Variants in AHI1 observed in about 807,000 individuals in gnomAD.
AHI1 encodes the protein jouberin.
In AHI1, 123 loss-of-function variants were observed where a neutral mutation model predicts 149.3. The ratio of observed to expected loss-of-function variants is 0.82; its 90% CI spans 0.71 to 0.96. The LOEUF (loss-of-function observed/expected upper bound fraction) is 0.96. Ranked by LOEUF, AHI1 falls within the 40% of genes least tolerant of loss-of-function variation. The probability of loss-of-function intolerance (pLI) is 0.00; values close to 1 mark genes in which losing one functional copy is unlikely to be tolerated. For synonymous variants in AHI1, 475 were observed against 459.8 expected (o/e 1.03, Z -0.42); for missense variants, 1,439 against 1,422.7 (o/e 1.01, Z -0.18).
chr6:135,416,092 C>T (rs888381810), intron 20 of AHI1, among the ~76,000 whole-genome samples: 3 of 152,028 alleles, frequency 2.0e-5, no homozygotes, highest in Non-Finnish European at 4.4e-5. Context: ...AATGCCCAAA[C>T]TTATCAGATA....
In AHI1 at chr6:135,411,493, A is replaced by G; in HGVS notation, c.2816T>C (p.Leu939Ser). The change falls in exon 21 of 29, where the codon TTA becomes TCA. Residue 939 changes from leucine (L) to serine (S), a missense_variant. Leu to Ser is a moderately radical substitution (Grantham distance 145). Transcript: ENST00000265602. ...MFKRYNGTFP[L>S]PGIHQSQDAL... ...ATCTTGACTTTGGTGTATTCCAGGT[A>G]ATGGAAATGTTCCATTGTAGCGTTT... The G allele has an allele frequency of 6.2e-7, 1 of 1,610,620 alleles. No homozygotes were observed.
At position 135,285,487 on chromosome 6, in the gene AHI1, G is replaced by A. The variant is rs1292439598; in HGVS notation, c.*158C>T. 3 of 783,522 alleles carry A rather than the reference G, an allele frequency of 3.8e-6. No homozygotes were observed. The highest frequency in any genetic ancestry group is 6.3e-6 in the Non-Finnish European group (3 of 475,548). 48.5% of individuals were successfully genotyped at this position (783,522 alleles called of 1,614,324 possible). On this transcript the variant is annotated 3_prime_UTR_variant, in exon 29 of 29. Coordinates refer to ENST00000265602, the MANE Select transcript of AHI1 (RefSeq NM_001134831.2). Reference sequence around the variant, plus strand: ...ACGTTGATTTTTCCACCCACAACTTGATTCTGATTTTTCTAGAGTCATTCA... The same window carrying A: ...ACGTTGATTTTTCCACCCACAACTTAATTCTGATTTTTCTAGAGTCATTCA...
chr6:135,434,283 T>G (rs1197093709), intron 15 of AHI1, among the ~76,000 whole-genome samples: 1 of 151,988 alleles, frequency 6.6e-6, no homozygotes. Context: ...CTTCAATTAC[T>G]AAGAATCCAA....
In AHI1 at chr6:135,284,552, T is replaced by G. The variant is rs1319863984; in HGVS notation, c.*1093A>C. 6.6e-6 allele frequency: 1 copy of G among 151,940 alleles called. No homozygotes were observed. Among genetic ancestry groups the G allele is most frequent in the East Asian group, 1.9e-4 (1 of 5,200 alleles). 9.4% of individuals were successfully genotyped at this position (151,940 alleles called of 1,614,324 possible). A position where few individuals can be genotyped will look rare whatever the true frequency, so the allele number is the denominator to read the frequency against. On this transcript the variant is annotated 3_prime_UTR_variant, in exon 29 of 29. Coordinates refer to ENST00000265602, the MANE Select transcript of AHI1 (RefSeq NM_001134831.2). The stretch of plus-strand genomic sequence containing the variant: ...ATATCAAACTTCAAAACATATAGTC[T>G]ATAATAATGACACTATTATTCTGGA...
At chr6:135,423,409 C>T (rs1783495083) in intron 20 of AHI1, among the ~76,000 whole-genome samples, 1 of 152,110 alleles carries the variant, frequency 6.6e-6, no homozygotes, top group Non-Finnish European at 1.5e-5. Context: ...CGCTTCTAGG[C>T]AGTGAGCAAC....
At chr6:135,339,957 T>C (rs955649169) in intron 24 of AHI1, among the ~76,000 whole-genome samples, 1 of 152,050 alleles carries the variant, frequency 6.6e-6, no homozygotes, top group African/African-American at 2.4e-5. Flanking sequence ...AGATTAACAG[T>C]AGATATCTCA....
At chr6:135,463,572 A>T (rs958409429) in intron 7 of AHI1, among the ~76,000 whole-genome samples, 2 of 152,072 alleles carry the variant, frequency 1.3e-5, no homozygotes, top group Non-Finnish European at 2.9e-5. Context: ...AAATTGTATT[A>T]ATATTTTATG....
intron 14 of AHI1, among the ~76,000 whole-genome samples, chr6:135,441,408 C>T (rs1786276118): frequency 6.6e-6 from 1 of 151,692 alleles, no homozygotes; most frequent in African/African-American, 2.4e-5. Flanking sequence ...CCAAACAGAA[C>T]ATTTCAAGAA....
chr6:135,379,900 T>G (rs557283501), intron 23 of AHI1, among the ~76,000 whole-genome samples: 2 of 150,554 alleles, frequency 1.3e-5, no homozygotes, highest in East Asian at 2.0e-4. Context: ...CCAAGCTCCC[T>G]TCCCTTTCCT....
At chr6:135,492,609 A>T in intron 3 of AHI1, 1 of 985,436 alleles carries the variant, frequency 1.0e-6, no homozygotes, top group Non-Finnish European at 1.2e-6. Flanking sequence ...TAATACATTA[A>T]TGAACATTTC....
chr6:135,321,195 C>T (rs192194916), intron 25 of AHI1, among the ~76,000 whole-genome samples: 45 of 151,900 alleles, frequency 3.0e-4, no homozygotes, highest in South Asian at 1.2e-3. Context: ...CCCGGGAGGT[C>T]AAGGCTTTAG....
intron 8 of AHI1, among the ~76,000 whole-genome samples, chr6:135,459,290 G>A (rs1051792557): frequency 2.6e-5 from 4 of 151,922 alleles, no homozygotes; most frequent in African/African-American, 9.7e-5. Context: ...CAATTAAAAT[G>A]GAAATTAGAA....
Position 135,427,154 on chromosome 6 carries a change from G to A in AHI1, c.2764+13C>T. 1.2e-6 allele frequency: 2 copies of A among 1,607,032 alleles called. No individual in the cohort carries two copies. Among genetic ancestry groups the A allele is most frequent in the South Asian group, 2.2e-5 (2 of 90,414 alleles). On this transcript the variant is annotated intron_variant, in intron 20 of 28. Coordinates refer to ENST00000265602, the MANE Select transcript of AHI1 (RefSeq NM_001134831.2). ...ACTCTAAAAATTCTTTACTTATCAA[G>A]TGGTAGACTTACCATGGAAATCGTA...
At chr6:135,302,624 G>T (rs891990214) in intron 26 of AHI1, 180 of 1,143,862 alleles carry the variant, frequency 1.6e-4, no homozygotes, top group Non-Finnish European at 1.9e-4. Context: ...AGTTAGAAGG[G>T]GGTCCACATT....
chr6:135,398,598 C>T (rs1431448470), intron 22 of AHI1, among the ~76,000 whole-genome samples: 3 of 152,154 alleles, frequency 2.0e-5, no homozygotes, highest in African/African-American at 4.8e-5. Flanking sequence ...AAATTAAGAT[C>T]TAGTCCTGGC....
At chr6:135,314,411 A>G (rs6918097) in intron 26 of AHI1, among the ~76,000 whole-genome samples, 96,329 of 152,114 alleles carry the variant, frequency 0.63, 30,978 homozygotes, top group Middle Eastern at 0.76. Context: ...GAAGTGTGAG[A>G]AAAAAATTTT....
chr6:135,376,172 C>T (rs1332817721), intron 23 of AHI1, among the ~76,000 whole-genome samples: 1 of 152,070 alleles, frequency 6.6e-6, no homozygotes, highest in Admixed American at 6.5e-5. Flanking sequence ...CACTAGAAAA[C>T]ACCATTTTGT....
intron 26 of AHI1, among the ~76,000 whole-genome samples, chr6:135,316,974 T>C (rs181366758): frequency 2.6e-5 from 4 of 152,214 alleles, no homozygotes; most frequent in Non-Finnish European, 2.9e-5. Flanking sequence ...ATTACTTCTA[T>C]GGCACCACTA....
intron 24 of AHI1, among the ~76,000 whole-genome samples, chr6:135,347,557 A>T (rs553480799): frequency 6.6e-6 from 1 of 152,208 alleles, no homozygotes; most frequent in Non-Finnish European, 1.5e-5. Flanking sequence ...GCAAACGGTG[A>T]TGATAATAAT....
Sources: gnomAD v4.1 joint callset for allele counts (sites outside exome capture counted in the v4.1 genomes callset) on GRCh38, gnomAD v4.1.1 for gene constraint, MANE v1.5 for transcripts, NCBI Gene and HGNC (gene_info 2026-07-23, HGNC 2026-07-21) for gene names.